Variants in C4orf17 observed in about 807,000 individuals in gnomAD.
The protein encoded by C4orf17 is chromosome 4 open reading frame 17, also known as uncharacterized protein C4orf17.
A neutral mutation model predicts 32.0 loss-of-function variants in C4orf17; 25 were observed. The ratio of observed to expected loss-of-function variants is 0.78; its 90% CI spans 0.57 to 1.09. C4orf17 has a LOEUF of 1.09. C4orf17 is among the 50% of genes least tolerant of loss of function. C4orf17 has a pLI of 0.00. For missense variants in C4orf17, 420 were observed against 420.0 expected (o/e 1.00, Z 0.00); for synonymous variants, 149 against 145.8 (o/e 1.02, Z -0.16).
At chr4:99,533,736 G>A (rs1723514021) in intron 5 of C4orf17, among the ~76,000 whole-genome samples, 1 of 152,100 alleles carries the variant, frequency 6.6e-6, no homozygotes, top group African/African-American at 2.4e-5. Context: ...ATAATGGGAG[G>A]TATCACAGAG....
At chr4:99,513,878 G>T (rs1723134939) in intron 2 of C4orf17, among the ~76,000 whole-genome samples, 1 of 152,124 alleles carries the variant, frequency 6.6e-6, no homozygotes, top group African/African-American at 2.4e-5. Flanking sequence ...GAGGTACAAA[G>T]AGAAAAGGGT....
At chr4:99,532,371 T>C (rs1009796600) in intron 5 of C4orf17, among the ~76,000 whole-genome samples, 6 of 152,178 alleles carry the variant, frequency 3.9e-5, no homozygotes, top group South Asian at 2.1e-4. Context: ...TACACAGCCA[T>C]AAAATATGGA....
At chr4:99,518,701 G>A (rs989149749) in intron 2 of C4orf17, among the ~76,000 whole-genome samples, 1 of 150,522 alleles carries the variant, frequency 6.6e-6, no homozygotes, top group African/African-American at 2.5e-5. Flanking sequence ...TCCCTATTAT[G>A]TGGCCTCATC....
intron 1 of C4orf17, among the ~76,000 whole-genome samples, chr4:99,512,549 A>G (rs969084285): frequency 6.6e-6 from 1 of 152,146 alleles, no homozygotes; most frequent in African/African-American, 2.4e-5. Flanking sequence ...TATACATTTT[A>G]AGATGCTGGG....
chr4:99,514,658 T>C (rs1288988444), intron 2 of C4orf17, among the ~76,000 whole-genome samples: 1 of 152,218 alleles, frequency 6.6e-6, no homozygotes, highest in Non-Finnish European at 1.5e-5. Context: ...ATGGTAGAAG[T>C]GTAAACTAGT....
At chr4:99,526,206 A>G (rs1176989290) in intron 4 of C4orf17, among the ~76,000 whole-genome samples, 1 of 152,152 alleles carries the variant, frequency 6.6e-6, no homozygotes, top group Admixed American at 6.5e-5. Flanking sequence ...AGAAATGGGG[A>G]GAGATGTATT....
intron 5 of C4orf17, among the ~76,000 whole-genome samples, chr4:99,535,603 T>TA (rs1478145264): frequency 6.6e-6 from 1 of 152,250 alleles, no homozygotes; most frequent in African/African-American, 2.4e-5. Context: ...TGTTCCTCTC[T>TA]AAACTGGCTA....
chr4:99,519,750 C>T (rs1723253628), intron 2 of C4orf17, among the ~76,000 whole-genome samples: 1 of 152,036 alleles, frequency 6.6e-6, no homozygotes, highest in Admixed American at 6.6e-5. Context: ...ATTGGGAGAT[C>T]AGTTAGAAGA....
chr4:99,525,658 G>A (rs1723374898), intron 4 of C4orf17, among the ~76,000 whole-genome samples: 1 of 152,032 alleles, frequency 6.6e-6, no homozygotes, highest in East Asian at 1.9e-4. Flanking sequence ...AGTCGGGCTT[G>A]GTGGTACGCG....
intron 5 of C4orf17, among the ~76,000 whole-genome samples, chr4:99,530,972 G>A (rs1723468602): frequency 6.6e-6 from 1 of 152,002 alleles, no homozygotes; most frequent in African/African-American, 2.4e-5. Flanking sequence ...CACCTTAAGA[G>A]CTTTCCTCTA....
At chr4:99,529,525 G>C (rs1310726260) in intron 4 of C4orf17, among the ~76,000 whole-genome samples, 3 of 152,226 alleles carry the variant, frequency 2.0e-5, no homozygotes, top group East Asian at 3.9e-4. Context: ...TCATGAGTTG[G>C]CTGTTATCTG....
chr4:99,524,184 T>C (rs189387210), intron 3 of C4orf17, among the ~76,000 whole-genome samples: 12 of 152,160 alleles, frequency 7.9e-5, no homozygotes, highest in Non-Finnish European at 1.5e-4. Flanking sequence ...GACTTCACCG[T>C]GTTAGCCAGG....
intron 5 of C4orf17, 104 bp from the exon 6 acceptor site, chr4:99,537,565 A>T: frequency 1.2e-6 from 1 of 815,378 alleles, no homozygotes; most frequent in Non-Finnish European, 2.1e-6. Flanking sequence ...CACATCATAT[A>T]CAAAGTGATA....
chr4:99,513,950 G>A (rs1578185498), intron 2 of C4orf17, among the ~76,000 whole-genome samples: 1 of 152,126 alleles, frequency 6.6e-6, no homozygotes, highest in East Asian at 1.9e-4. Flanking sequence ...AAGCAGAATT[G>A]TTTGGACTTC....
Position 99,539,145 on chromosome 4 carries a change from T to C in C4orf17, c.629-18T>C. ...TGCAACCTTCACTCCTCCCACCCTTTTTTGTCTTTTAAACCAGAAAAAGAG... is the reference window on the plus strand; with the variant it reads ...TGCAACCTTCACTCCTCCCACCCTTCTTTGTCTTTTAAACCAGAAAAAGAG... On this transcript the variant is annotated intron_variant, in intron 6 of 8. Coordinates refer to ENST00000326581, the MANE Select transcript of C4orf17 (RefSeq NM_032149.3). 6.2e-7 allele frequency: 1 copy of C among 1,611,214 alleles called. No individual in the cohort carries two copies. Among genetic ancestry groups the C allele is most frequent in the Non-Finnish European group, 8.5e-7 (1 of 1,177,584 alleles).
intron 2 of C4orf17, among the ~76,000 whole-genome samples, chr4:99,518,501 AAAAAAAAAAAAAAAAAAAT>A (rs1456815412): frequency 1.6e-5 from 1 of 61,900 alleles, no homozygotes; most frequent in African/African-American, 9.4e-5. Flanking sequence ...AAAAAAAAAA[AAAAAAAAAAAAAAAAAAAT>A]ATATATATAT....
At chr4:99,524,156 AT>A (rs1195188350) in intron 3 of C4orf17, among the ~76,000 whole-genome samples, 5 of 151,546 alleles carry the variant, frequency 3.3e-5, no homozygotes, top group Admixed American at 1.3e-4. Context: ...ATTTTTTTGT[AT>A]TTTTTAGTGG....
At chr4:99,536,052 C>T in intron 5 of C4orf17, 1 of 425,466 alleles carries the variant, frequency 2.4e-6, no homozygotes, top group Admixed American at 2.7e-5. Flanking sequence ...GAGGTATCAT[C>T]AGTGAGAGTT....
intron 2 of C4orf17, among the ~76,000 whole-genome samples, chr4:99,515,907 G>A (rs1340462337): frequency 1.3e-5 from 2 of 152,106 alleles, no homozygotes; most frequent in East Asian, 1.9e-4. Context: ...GCAGATACAC[G>A]AGGACAAACA....
Sources: allele counts gnomAD v4.1 joint callset (sites outside exome capture counted in the v4.1 genomes callset), GRCh38; gene constraint gnomAD v4.1.1; transcripts MANE v1.5; gene names NCBI Gene and HGNC (gene_info 2026-07-23, HGNC 2026-07-21).